The following HS3ST4 variants were observed in gnomAD, a reference collection of about 807,000 sequenced individuals.
HS3ST4 encodes the protein heparan sulfate-glucosamine 3-sulfotransferase 4.
Under a neutral mutation model 29.2 loss-of-function variants are expected in HS3ST4, and 17 were observed. The ratio of observed to expected loss-of-function variants is 0.58; its 90% CI spans 0.40 to 0.87. The LOEUF (loss-of-function observed/expected upper bound fraction) is 0.87. HS3ST4 is among the 40% of genes least tolerant of loss of function. HS3ST4 has a pLI of 0.00. For synonymous variants in HS3ST4, 314 were observed against 285.7 expected, an observed-to-expected ratio of 1.10 and a Z score of -1.00; for missense variants, 627 against 634.5, an observed-to-expected ratio of 0.99 and a Z score of 0.13.
chr16:25,981,754 C>T (rs747395388), intron 1 of HS3ST4, among the ~76,000 whole-genome samples: 1 of 152,106 alleles, frequency 6.6e-6, no homozygotes, highest in African/African-American at 2.4e-5. Context: ...ATTGTATTCC[C>T]AGCCTAGCAC....
intron 1 of HS3ST4, among the ~76,000 whole-genome samples, chr16:26,061,420 C>G (rs1056210979): frequency 2.6e-5 from 4 of 152,202 alleles, no homozygotes; most frequent in Admixed American, 2.0e-4. Context: ...TTCCAAGTCT[C>G]CACATCTCTT....
chr16:26,075,608 A>G (rs1242713139), intron 1 of HS3ST4, among the ~76,000 whole-genome samples: 3 of 152,180 alleles, frequency 2.0e-5, no homozygotes, highest in African/African-American at 7.2e-5. Context: ...TTTGGGGAAC[A>G]TGGCAGTAAA....
chr16:25,974,079 C>T (rs372732222), intron 1 of HS3ST4, among the ~76,000 whole-genome samples: 15 of 152,220 alleles, frequency 9.9e-5, no homozygotes, highest in East Asian at 9.6e-4. Flanking sequence ...AGACAAGGCT[C>T]TTACATACGC....
At position 26,136,035 on chromosome 16, in the gene HS3ST4, C is replaced by A; in HGVS notation, c.1158C>A (p.Phe386Leu). The A allele has an allele frequency of 6.2e-7, 1 of 1,613,958 alleles. No individual in the cohort carries two copies. Among genetic ancestry groups the A allele is most frequent in the East Asian group, 2.2e-5 (1 of 44,860 alleles). Residue 386 changes from phenylalanine (F) to leucine (L), a missense_variant, in exon 2 of 2, where the codon TTC becomes TTA. By Grantham distance (22) the Phe-to-Leu change is conservative (BLOSUM62 0). Coordinates refer to ENST00000331351, the MANE Select transcript of HS3ST4 (RefSeq NM_006040.3). ...GLKRVVTEKH[F>L]YFNKTKGFPC... is the part of the protein sequence containing the mutation. The stretch of plus-strand genomic sequence containing the variant: ...AACGTGTTGTGACTGAGAAGCATTT[C>A]TATTTCAACAAAACCAAGGGGTTCC...
chr16:25,937,925 T>C (rs1404629892), intron 1 of HS3ST4, among the ~76,000 whole-genome samples: 1 of 152,140 alleles, frequency 6.6e-6, no homozygotes, highest in Non-Finnish European at 1.5e-5. Flanking sequence ...TTGAGGGCTC[T>C]GTTGGTGGAA....
intron 1 of HS3ST4, among the ~76,000 whole-genome samples, chr16:26,031,664 G>A (rs535369800): frequency 7.3e-5 from 11 of 151,144 alleles, no homozygotes; most frequent in Admixed American, 3.3e-4. Context: ...CCTCTGGCCC[G>A]ACGCACCGGC....
intron 1 of HS3ST4, among the ~76,000 whole-genome samples, chr16:25,858,234 C>T (rs907323160): frequency 2.6e-5 from 4 of 151,880 alleles, no homozygotes; most frequent in African/African-American, 9.7e-5. Flanking sequence ...TAAAATTATA[C>T]AAACTTGCAT....
chr16:25,771,401 C>G (rs924620551), intron 1 of HS3ST4, among the ~76,000 whole-genome samples: 1 of 152,084 alleles, frequency 6.6e-6, no homozygotes, highest in Admixed American at 6.6e-5. Flanking sequence ...CTGTCTGCCC[C>G]AGCCACAGGA....
At chr16:25,896,816 T>G (rs1484435431) in intron 1 of HS3ST4, among the ~76,000 whole-genome samples, 2 of 152,194 alleles carry the variant, frequency 1.3e-5, no homozygotes, top group African/African-American at 4.8e-5. Context: ...ACTACACAGC[T>G]GTAAAACAAG....
At chr16:25,719,691 G>A (rs779093355) in intron 1 of HS3ST4, among the ~76,000 whole-genome samples, 1 of 152,208 alleles carries the variant, frequency 6.6e-6, no homozygotes, top group Non-Finnish European at 1.5e-5. Flanking sequence ...AAAGAGTAGA[G>A]GAAAAGTAGC....
At chr16:26,008,726 C>T (rs935279567) in intron 1 of HS3ST4, among the ~76,000 whole-genome samples, 48 of 151,922 alleles carry the variant, frequency 3.2e-4, no homozygotes, top group Non-Finnish European at 5.1e-4. Flanking sequence ...GGCTGAGGCA[C>T]GAGAATCACT....
At chr16:25,975,578 A>G (rs1423343099) in intron 1 of HS3ST4, among the ~76,000 whole-genome samples, 1 of 152,174 alleles carries the variant, frequency 6.6e-6, no homozygotes, top group Non-Finnish European at 1.5e-5. Flanking sequence ...AAAAGAAAAG[A>G]AAAATATCCA....
At chr16:25,736,727 AGTG>A (rs1394499334) in intron 1 of HS3ST4, among the ~76,000 whole-genome samples, 1 of 152,300 alleles carries the variant, frequency 6.6e-6, no homozygotes, top group Admixed American at 6.5e-5. Flanking sequence ...TCCAGTTCCC[AGTG>A]TCCTCCTCCC....
At chr16:25,783,130 CT>C (rs1353957454) in intron 1 of HS3ST4, among the ~76,000 whole-genome samples, 1 of 151,444 alleles carries the variant, frequency 6.6e-6, no homozygotes, top group African/African-American at 2.4e-5. Flanking sequence ...CTTTTTTTTT[CT>C]TTTTATTTTG....
In HS3ST4 at chr16:25,857,892, T is replaced by TTCTC. The variant is rs746061513; in HGVS notation, c.734+164742_734+164743insCTCT. Among the ~76,000 whole-genome samples the TTCTC allele has an allele frequency of 3.6e-5, 3 of 82,768 alleles. No homozygotes were observed. The East Asian group carries it at 1.1e-3, about 29-fold the overall frequency. 54.3% of individuals were successfully genotyped at this position (82,768 alleles called of 152,430 possible). ...AATTTCTTTCTCTTTCTTTCTTTCT[T>TTCTC]TTTCTTTCTTCCTTCCTTCCTTCCT... On this transcript the variant is annotated intron_variant, in intron 1 of 1. Transcript: ENST00000331351.
chr16:25,872,183 G>C (rs556974827), intron 1 of HS3ST4, among the ~76,000 whole-genome samples: 1 of 152,176 alleles, frequency 6.6e-6, no homozygotes, highest in Non-Finnish European at 1.5e-5. Context: ...ATCCCAGAGC[G>C]TGGTCAGCTT....
intron 1 of HS3ST4, among the ~76,000 whole-genome samples, chr16:25,771,304 G>A: frequency 6.6e-6 from 1 of 152,110 alleles, no homozygotes; most frequent in East Asian, 1.9e-4. Context: ...TGGTAGAGTA[G>A]GGCCAAACCT....
chr16:25,754,829 G>A (rs558285269), intron 1 of HS3ST4, among the ~76,000 whole-genome samples: 2 of 151,094 alleles, frequency 1.3e-5, no homozygotes, highest in East Asian at 4.0e-4. Flanking sequence ...TTTGGGTGGG[G>A]ACATAACCAA....
intron 1 of HS3ST4, among the ~76,000 whole-genome samples, chr16:26,050,620 A>C (rs964119896): frequency 1.3e-5 from 2 of 152,208 alleles, no homozygotes; most frequent in East Asian, 1.9e-4. Flanking sequence ...AAAGACTCGC[A>C]TGTGATTCCT....
Sources: allele counts gnomAD v4.1 joint callset (sites outside exome capture counted in the v4.1 genomes callset), GRCh38; gene constraint gnomAD v4.1.1; transcripts MANE v1.5; gene names NCBI Gene and HGNC (gene_info 2026-07-23, HGNC 2026-07-21).